Variants in TMEM135 observed in about 807,000 individuals in gnomAD.
TMEM135 encodes the protein transmembrane protein 135, also known as peroxisomal membrane protein 52.
A neutral mutation model predicts 60.3 loss-of-function variants in TMEM135; 30 were observed. The ratio of observed to expected loss-of-function variants is 0.50; its 90% CI spans 0.37 to 0.68. TMEM135 has a LOEUF of 0.68. TMEM135 is among the 30% of genes least tolerant of loss of function. The pLI, the probability that TMEM135 is intolerant of heterozygous loss-of-function variation, is 0.00. For missense variants in TMEM135, 468 were observed against 548.8 expected, an observed-to-expected ratio of 0.85 and a Z score of 1.47; for synonymous variants, 190 against 186.7, an observed-to-expected ratio of 1.02 and a Z score of -0.14.
intron 4 of TMEM135, among the ~76,000 whole-genome samples, chr11:87,114,855 G>C (rs1857840166): frequency 6.6e-6 from 1 of 152,188 alleles, no homozygotes; most frequent in Non-Finnish European, 1.5e-5. Context: ...CGAGGATGCA[G>C]TACTTGTAAT....
At chr11:87,176,397 AG>A (rs1355988798) in intron 5 of TMEM135, among the ~76,000 whole-genome samples, 1 of 152,168 alleles carries the variant, frequency 6.6e-6, no homozygotes, top group Non-Finnish European at 1.5e-5. Flanking sequence ...TACAGGCTGC[AG>A]AACCATGAGC....
chr11:87,055,282 A>G (rs1268983182), intron 1 of TMEM135, among the ~76,000 whole-genome samples: 1 of 152,190 alleles, frequency 6.6e-6, no homozygotes, highest in Non-Finnish European at 1.5e-5. Flanking sequence ...ATAAGAAGCA[A>G]TTACTTTATA....
chr11:87,274,380 C>G (rs531379196), intron 6 of TMEM135, among the ~76,000 whole-genome samples: 1 of 152,280 alleles, frequency 6.6e-6, no homozygotes, highest in South Asian at 2.1e-4. Context: ...CTGCCCTCTT[C>G]CCTCAAATGT....
At chr11:87,079,166 C>T (rs1359881047) in intron 3 of TMEM135, among the ~76,000 whole-genome samples, 1 of 151,928 alleles carries the variant, frequency 6.6e-6, no homozygotes, top group South Asian at 2.1e-4. Flanking sequence ...CCACCACACC[C>T]AGCCAATTTT....
intron 14 of TMEM135, 87 bp from the exon 15 acceptor site, chr11:87,321,114 A>G (rs17759556): frequency 0.014 from 17,689 of 1,262,186 alleles, 166 homozygotes; most frequent in Non-Finnish European, 0.016. Flanking sequence ...CTGTTTTCCC[A>G]TCCCACATAA....
chr11:87,077,741 G>A (rs999381609), intron 3 of TMEM135, among the ~76,000 whole-genome samples: 2 of 151,980 alleles, frequency 1.3e-5, no homozygotes, highest in African/African-American at 2.4e-5. Context: ...CCCTTTAACT[G>A]TCACCCCCTA....
At chr11:87,145,132 A>G (rs1938378731) in intron 4 of TMEM135, among the ~76,000 whole-genome samples, 1 of 152,148 alleles carries the variant, frequency 6.6e-6, no homozygotes, top group Admixed American at 6.6e-5. Context: ...CAGCCTCTGT[A>G]ACCACCATTC....
At chr11:87,106,606 A>ATT (rs142664106) in intron 4 of TMEM135, among the ~76,000 whole-genome samples, 7 of 151,998 alleles carry the variant, frequency 4.6e-5, no homozygotes, top group African/African-American at 1.7e-4. Context: ...TTCTATTTCA[A>ATT]TTTTTTGGAA....
At chr11:87,176,268 C>G (rs1416837615) in intron 5 of TMEM135, among the ~76,000 whole-genome samples, 1 of 152,102 alleles carries the variant, frequency 6.6e-6, no homozygotes, top group African/African-American at 2.4e-5. Context: ...TGGCACCTCC[C>G]TGCCCCTTCC....
intron 3 of TMEM135, among the ~76,000 whole-genome samples, chr11:87,085,265 A>G (rs953321738): frequency 1.3e-5 from 2 of 152,322 alleles, no homozygotes; most frequent in East Asian, 3.9e-4. Flanking sequence ...TCCGGGTCTG[A>G]ATTCAGCAAA....
intron 6 of TMEM135, among the ~76,000 whole-genome samples, chr11:87,276,029 A>G (rs918310137): frequency 6.6e-6 from 1 of 152,170 alleles, no homozygotes; most frequent in African/African-American, 2.4e-5. Flanking sequence ...GACCCCAACC[A>G]TGTAGCATGG....
intron 5 of TMEM135, among the ~76,000 whole-genome samples, chr11:87,176,981 C>G (rs950589409): frequency 6.6e-6 from 1 of 152,108 alleles, no homozygotes; most frequent in Non-Finnish European, 1.5e-5. Flanking sequence ...GCAAATCTGG[C>G]TTTAATATTA....
chr11:87,266,423 A>G (rs947544575), intron 6 of TMEM135, among the ~76,000 whole-genome samples: 1 of 152,196 alleles, frequency 6.6e-6, no homozygotes, highest in Non-Finnish European at 1.5e-5. Flanking sequence ...GTTTGAATAT[A>G]TATGTATGTA....
Position 87,309,651 on chromosome 11 carries a change from C to G in TMEM135, c.915C>G (p.Gly305=). Residue 305 remains glycine (G), a synonymous_variant, in exon 10 of 15, where the codon GGC becomes GGG. Transcript: ENST00000305494. Reference sequence around the variant, plus strand: ...ACTTCCAGCTTGGAGCTTTTCTTGGCTCTTTTGTTAGTATATACAAGGTAA... The same window carrying G: ...ACTTCCAGCTTGGAGCTTTTCTTGGGTCTTTTGTTAGTATATACAAGGTAA... ...KENFQLGAFL[G]SFVSIYKGTS... The G allele has an allele frequency of 1.9e-6, 3 of 1,613,534 alleles. No homozygotes were observed. Among genetic ancestry groups the G allele is most frequent in the Non-Finnish European group, 2.5e-6 (3 of 1,179,664 alleles).
chr11:87,239,714 A>C (rs1941087503), intron 6 of TMEM135, among the ~76,000 whole-genome samples: 1 of 150,560 alleles, frequency 6.6e-6, no homozygotes, highest in Non-Finnish European at 1.5e-5. Flanking sequence ...GGAAATGGGG[A>C]AATGAGGCCT....
chr11:87,082,895 T>C lies in TMEM135; in HGVS notation c.363-8467T>C, dbSNP rs556931951. Among the ~76,000 whole-genome samples, 11 of 152,334 alleles carry C rather than the reference T, an allele frequency of 7.2e-5. No homozygotes were observed. In the South Asian group the frequency reaches 2.3e-3, roughly 32 times the overall value. ...AATAGTGCAATCTTTACTCTGAGAT[T>C]TTGCATTCAGTTGTATAATCAGTTT... On this transcript the variant is annotated intron_variant, in intron 3 of 14. Coordinates refer to ENST00000305494, the MANE Select transcript of TMEM135 (RefSeq NM_022918.4).
At chr11:87,080,204 A>G (rs1220628435) in intron 3 of TMEM135, among the ~76,000 whole-genome samples, 4 of 147,860 alleles carry the variant, frequency 2.7e-5, no homozygotes, top group Non-Finnish European at 6.0e-5. Flanking sequence ...CAAGGACAAG[A>G]TCATTGACAG....
At chr11:87,264,313 T>A (rs1317310784) in intron 6 of TMEM135, among the ~76,000 whole-genome samples, 1 of 149,170 alleles carries the variant, frequency 6.7e-6, no homozygotes, top group Non-Finnish European at 1.5e-5. Context: ...TTTTCTTTTC[T>A]TTTTTTTTGT....
intron 6 of TMEM135, among the ~76,000 whole-genome samples, chr11:87,239,401 T>C (rs987219275): frequency 6.6e-6 from 1 of 152,062 alleles, no homozygotes; most frequent in African/African-American, 2.4e-5. Flanking sequence ...ATTAGATTTG[T>C]CTGTATGCTA....
Sources: gnomAD v4.1 joint callset for allele counts (sites outside exome capture counted in the v4.1 genomes callset) on GRCh38, gnomAD v4.1.1 for gene constraint, MANE v1.5 for transcripts, NCBI Gene and HGNC (gene_info 2026-07-23, HGNC 2026-07-21) for gene names.